FHIT: variants seen among roughly 807,000 people sequenced by gnomAD.
FHIT encodes bis(5'-adenosyl)-triphosphatase.
Under a neutral mutation model 17.9 loss-of-function variants are expected in FHIT, and 19 were observed. The observed-to-expected ratio is 1.06, with a 90% CI of 0.74 to 1.56. The LOEUF (loss-of-function observed/expected upper bound fraction) is 1.56. FHIT is among the 40% of genes most tolerant of loss of function. The pLI is 0.00. For missense variants in FHIT, 248 were observed against 189.2 expected, an observed-to-expected ratio of 1.31 and a Z score of -1.82; for synonymous variants, 81 against 69.7, an observed-to-expected ratio of 1.16 and a Z score of -0.81.
intron 4 of FHIT, among the ~76,000 whole-genome samples, chr3:60,735,435 G>A (rs1299201234): frequency 1.3e-5 from 2 of 152,128 alleles, no homozygotes; most frequent in African/African-American, 4.8e-5. Context: ...ATGATTCAGG[G>A]AGCCAATCAT....
At chr3:61,144,000 T>C (rs1444406851) in intron 2 of FHIT, among the ~76,000 whole-genome samples, 1 of 152,238 alleles carries the variant, frequency 6.6e-6, no homozygotes, top group East Asian at 1.9e-4. Context: ...ATAAATGAAT[T>C]ACCTTTACTA....
intron 3 of FHIT, among the ~76,000 whole-genome samples, chr3:60,936,247 GAA>G (rs1373599034): frequency 6.6e-6 from 1 of 152,136 alleles, no homozygotes; most frequent in African/African-American, 2.4e-5. Context: ...TATTAACTAA[GAA>G]AGAGCTCCAT....
chr3:60,541,817 CAGA>C (rs1378684860), intron 4 of FHIT, among the ~76,000 whole-genome samples: 1 of 152,128 alleles, frequency 6.6e-6, no homozygotes. Flanking sequence ...CTAACATTGC[CAGA>C]AGAAGTCATG....
rs1575593355 is a variant in FHIT at position 59,748,078 on chromosome 3, T to C, written c.*1507A>G. Among the ~76,000 whole-genome samples, 1 of 152,130 alleles carries C rather than the reference T, an allele frequency of 6.6e-6. No homozygotes were observed. On this transcript the variant is annotated 3_prime_UTR_variant, in exon 10 of 10. Coordinates refer to ENST00000492590, the MANE Select transcript of FHIT (RefSeq NM_002012.4). Reference sequence around the variant, plus strand: ...CTCACTTTTTAACACAGAGACTGAATCTCACTCCTAGTTGCTAAGGCAAGC... The same window carrying C: ...CTCACTTTTTAACACAGAGACTGAACCTCACTCCTAGTTGCTAAGGCAAGC...
chr3:60,102,178 G>C (rs1442028287), intron 5 of FHIT, among the ~76,000 whole-genome samples: 1 of 152,222 alleles, frequency 6.6e-6, no homozygotes, highest in Non-Finnish European at 1.5e-5. Flanking sequence ...AAATGAGTGA[G>C]TTTAACTAAA....
chr3:60,744,789 C>T (rs2042323624), intron 4 of FHIT, among the ~76,000 whole-genome samples: 1 of 152,214 alleles, frequency 6.6e-6, no homozygotes, highest in African/African-American at 2.4e-5. Context: ...TAGATAAATC[C>T]CTCAATGACA....
chr3:59,921,066 G>C (rs964081672), intron 8 of FHIT, among the ~76,000 whole-genome samples: 1 of 152,164 alleles, frequency 6.6e-6, no homozygotes, highest in South Asian at 2.1e-4. Flanking sequence ...TTAGGGACTG[G>C]TGACTAGACT....
At chr3:61,165,164 G>C (rs574411314) in intron 2 of FHIT, among the ~76,000 whole-genome samples, 1 of 152,162 alleles carries the variant, frequency 6.6e-6, no homozygotes, top group East Asian at 1.9e-4. Flanking sequence ...TCAGTAATGT[G>C]ATTGCTAGGT....
At chr3:61,141,605 T>C (rs990725789) in intron 2 of FHIT, among the ~76,000 whole-genome samples, 3 of 145,190 alleles carry the variant, frequency 2.1e-5, no homozygotes, top group Non-Finnish European at 4.7e-5. Context: ...AACTATCTCT[T>C]ACGATGTAGC....
At chr3:60,416,958 A>G (rs2611407) in intron 5 of FHIT, among the ~76,000 whole-genome samples, 141,357 of 151,628 alleles carry the variant, frequency 0.93, 66,442 homozygotes, top group East Asian at 1. Context: ...GCGTGGTGGC[A>G]GGCGCCTGTA....
intron 2 of FHIT, among the ~76,000 whole-genome samples, chr3:61,091,961 A>G (rs1407311470): frequency 6.6e-6 from 1 of 150,406 alleles, no homozygotes; most frequent in Non-Finnish European, 1.5e-5. Flanking sequence ...AAAAAAAAAA[A>G]AAGAAGCAAC....
At chr3:60,286,543 A>G (rs1311562413) in intron 5 of FHIT, among the ~76,000 whole-genome samples, 1 of 152,152 alleles carries the variant, frequency 6.6e-6, no homozygotes, top group Non-Finnish European at 1.5e-5. Context: ...ATGGTACCCA[A>G]TCTTTCTCTC....
At chr3:60,580,183 A>T (rs1386106039) in intron 4 of FHIT, among the ~76,000 whole-genome samples, 13 of 152,152 alleles carry the variant, frequency 8.5e-5, no homozygotes, top group Admixed American at 8.5e-4. Context: ...AAAGAGGCAA[A>T]TACAGTGTAT....
intron 5 of FHIT, among the ~76,000 whole-genome samples, chr3:60,292,663 C>G (rs1465835314): frequency 2.0e-5 from 3 of 151,932 alleles, no homozygotes; most frequent in Non-Finnish European, 4.4e-5. Flanking sequence ...TATCCCATAC[C>G]CAAGCAATTA....
At chr3:60,394,555 G>A (rs1701358863) in intron 5 of FHIT, among the ~76,000 whole-genome samples, 1 of 152,094 alleles carries the variant, frequency 6.6e-6, no homozygotes, top group African/African-American at 2.4e-5. Context: ...TAAGGACACA[G>A]GTACCTGCCT....
At chr3:60,892,492 G>T (rs1705570572) in intron 3 of FHIT, among the ~76,000 whole-genome samples, 1 of 152,252 alleles carries the variant, frequency 6.6e-6, no homozygotes, top group Admixed American at 6.5e-5. Context: ...GTATATTAGA[G>T]TGTATATTAG....
chr3:60,399,038 AT>A (rs1231788162), intron 5 of FHIT, among the ~76,000 whole-genome samples: 1 of 152,154 alleles, frequency 6.6e-6, no homozygotes, highest in Non-Finnish European at 1.5e-5. Context: ...AACATAACCT[AT>A]TTTTGGGCCA....
At chr3:60,127,546 C>G (rs1705610591) in intron 5 of FHIT, among the ~76,000 whole-genome samples, 2 of 152,088 alleles carry the variant, frequency 1.3e-5, no homozygotes. Context: ...AAGTTACTCT[C>G]CAGAAATGAT....
chr3:61,052,688 A>C (rs1019114807), intron 2 of FHIT, among the ~76,000 whole-genome samples: 2 of 152,106 alleles, frequency 1.3e-5, no homozygotes, highest in Non-Finnish European at 2.9e-5. Context: ...TTATATGCTT[A>C]TTTTGTTGCA....
Sources: allele counts gnomAD v4.1 joint callset (sites outside exome capture counted in the v4.1 genomes callset), GRCh38; gene constraint gnomAD v4.1.1; transcripts MANE v1.5; gene names NCBI Gene and HGNC (gene_info 2026-07-23, HGNC 2026-07-21).